The following CA10 variants were observed in gnomAD, a reference collection of about 807,000 sequenced individuals.
CA10 encodes carbonic anhydrase 10 (inactive).
CA10 carries 14 observed loss-of-function variants against 44.2 expected under a neutral mutation model. The observed-to-expected ratio is 0.32, with a 90% CI of 0.21 to 0.50. The LOEUF is 0.50. CA10 is among the 20% of genes least tolerant of loss of function. The probability of loss-of-function intolerance (pLI) is 0.99; values close to 1 mark genes in which losing one functional copy is unlikely to be tolerated. For missense variants in CA10, 350 were observed against 409.7 expected, an observed-to-expected ratio of 0.85 and a Z score of 1.26; for synonymous variants, 159 against 141.6, an observed-to-expected ratio of 1.12 and a Z score of -0.87.
At chr17:52,056,405 C>T (rs765129365) in intron 2 of CA10, among the ~76,000 whole-genome samples, 8 of 152,050 alleles carry the variant, frequency 5.3e-5, no homozygotes, top group Non-Finnish European at 8.8e-5. Context: ...GCCCCCTAAC[C>T]TCAGCCATGA....
At chr17:52,049,123 A>T (rs374836640) in intron 2 of CA10, among the ~76,000 whole-genome samples, 1 of 152,126 alleles carries the variant, frequency 6.6e-6, no homozygotes, top group Non-Finnish European at 1.5e-5. Flanking sequence ...GGAAGAATCA[A>T]GATCCAGAAG....
At chr17:51,852,535 C>A (rs1045556600) in intron 3 of CA10, among the ~76,000 whole-genome samples, 1 of 152,084 alleles carries the variant, frequency 6.6e-6, no homozygotes, top group African/African-American at 2.4e-5. Context: ...AGATTACAGA[C>A]TCAGAGAGGT....
intron 1 of CA10, among the ~76,000 whole-genome samples, chr17:52,077,391 T>A (rs1253782855): frequency 2.0e-5 from 3 of 152,144 alleles, no homozygotes; most frequent in Admixed American, 1.3e-4. Flanking sequence ...AAGGGCGACA[T>A]AATACATGTT....
At chr17:51,986,898 C>T (rs1984858360) in intron 2 of CA10, among the ~76,000 whole-genome samples, 1 of 152,044 alleles carries the variant, frequency 6.6e-6, no homozygotes, top group African/African-American at 2.4e-5. Context: ...AACACTTCTA[C>T]ACTGCTGGTG....
intron 1 of CA10, among the ~76,000 whole-genome samples, chr17:52,089,549 A>G (rs1439029685): frequency 6.6e-6 from 1 of 151,446 alleles, no homozygotes; most frequent in Non-Finnish European, 1.5e-5. Context: ...TGTTCCAAGA[A>G]CCTCAGTGGA....
At chr17:51,998,925 G>C (rs953741860) in intron 2 of CA10, among the ~76,000 whole-genome samples, 10 of 151,922 alleles carry the variant, frequency 6.6e-5, no homozygotes, top group African/African-American at 2.4e-4. Flanking sequence ...CTAAAGCCAG[G>C]TTCCAAATTA....
At chr17:51,700,065 A>G (rs529431927) in intron 4 of CA10, among the ~76,000 whole-genome samples, 1 of 152,136 alleles carries the variant, frequency 6.6e-6, no homozygotes, top group Non-Finnish European at 1.5e-5. Flanking sequence ...AGTTTGCACC[A>G]TGGTTGTGGC....
At chr17:51,797,343 T>TGCGCGCGCACGC (rs765155534) in intron 3 of CA10, among the ~76,000 whole-genome samples, 1 of 152,224 alleles carries the variant, frequency 6.6e-6, no homozygotes, top group Non-Finnish European at 1.5e-5. Flanking sequence ...CGCAGGCGCA[T>TGCGCGCGCACGC]GCGCGCGCAC....
intron 4 of CA10, among the ~76,000 whole-genome samples, chr17:51,711,150 A>G (rs1300896843): frequency 6.6e-6 from 1 of 152,176 alleles, no homozygotes; most frequent in Admixed American, 6.5e-5. Context: ...CAACAAGCTC[A>G]ACATCAACCT....
intron 1 of CA10, among the ~76,000 whole-genome samples, chr17:52,113,516 A>G (rs921946839): frequency 1.3e-5 from 2 of 152,212 alleles, no homozygotes. Flanking sequence ...TTGAGAAAGC[A>G]AGACAAGCCC....
intron 4 of CA10, among the ~76,000 whole-genome samples, chr17:51,693,498 C>T (rs182510243): frequency 2.0e-5 from 3 of 152,222 alleles, no homozygotes; most frequent in South Asian, 2.1e-4. Flanking sequence ...TATCCACCCC[C>T]GACCATCTAG....
chr17:52,063,729 A>G (rs1218233290), intron 2 of CA10, among the ~76,000 whole-genome samples: 2 of 152,166 alleles, frequency 1.3e-5, no homozygotes, highest in African/African-American at 4.8e-5. Context: ...TGCTGGTGCC[A>G]TGCTTCTTGT....
At chr17:51,742,848 G>A (rs1256609585) in intron 4 of CA10, among the ~76,000 whole-genome samples, 1 of 152,168 alleles carries the variant, frequency 6.6e-6, no homozygotes, top group Non-Finnish European at 1.5e-5. Flanking sequence ...GCTGTCAGAG[G>A]GAGCAGCAAG....
chr17:51,720,417 G>C (rs533755407), intron 4 of CA10, among the ~76,000 whole-genome samples: 12 of 152,166 alleles, frequency 7.9e-5, no homozygotes, highest in Non-Finnish European at 1.6e-4. Flanking sequence ...ATAGCCTCAG[G>C]AAGAGGCTGG....
intron 4 of CA10, among the ~76,000 whole-genome samples, chr17:51,724,427 A>G (rs1916449670): frequency 6.6e-6 from 1 of 152,200 alleles, no homozygotes; most frequent in African/African-American, 2.4e-5. Flanking sequence ...GCAGTTGCCA[A>G]CAAAAGTATA....
intron 4 of CA10, among the ~76,000 whole-genome samples, chr17:51,697,883 T>C (rs1354823119): frequency 1.3e-5 from 2 of 152,254 alleles, no homozygotes; most frequent in African/African-American, 4.8e-5. Context: ...ATAATTTTAA[T>C]GCCCAATTTC....
intron 1 of CA10, among the ~76,000 whole-genome samples, chr17:52,135,984 C>T (rs559475330): frequency 6.6e-6 from 1 of 152,142 alleles, no homozygotes; most frequent in Non-Finnish European, 1.5e-5. Context: ...GCTATTGTTT[C>T]CTCCAATAAG....
intron 4 of CA10, among the ~76,000 whole-genome samples, chr17:51,692,363 C>T (rs890931859): frequency 2.8e-5 from 4 of 142,782 alleles, no homozygotes; most frequent in African/African-American, 1.1e-4. Flanking sequence ...TCTACCTATC[C>T]ATCCTATCTA....
intron 1 of CA10, among the ~76,000 whole-genome samples, chr17:52,102,743 C>A (rs1259851784): frequency 6.6e-6 from 1 of 152,178 alleles, no homozygotes; most frequent in African/African-American, 2.4e-5. Context: ...CCCGAATAAA[C>A]TCTATACAAT....
Sources: gnomAD v4.1 joint callset for allele counts (sites outside exome capture counted in the v4.1 genomes callset) on GRCh38, gnomAD v4.1.1 for gene constraint, MANE v1.5 for transcripts, NCBI Gene and HGNC (gene_info 2026-07-23, HGNC 2026-07-21) for gene names.